Variants in MAP2K1 observed in about 807,000 individuals in gnomAD.
MAP2K1 encodes mitogen-activated protein kinase kinase 1, also known as dual specificity mitogen-activated protein kinase kinase 1.
Under a neutral mutation model 46.3 loss-of-function variants are expected in MAP2K1, and 16 were observed. That is an observed-to-expected ratio of 0.35 (90% confidence interval 0.23 to 0.52). The LOEUF is 0.52. MAP2K1 is among the 20% of genes least tolerant of loss of function. MAP2K1 has a pLI of 0.94. For missense variants in MAP2K1, 263 were observed against 497.1 expected, an observed-to-expected ratio of 0.53 and a Z score of 4.48; for synonymous variants, 183 against 185.6, an observed-to-expected ratio of 0.99 and a Z score of 0.11.
chr15:66,426,488 C>G (rs1031319953), intron 1 of MAP2K1, among the ~76,000 whole-genome samples: 1 of 152,114 alleles, frequency 6.6e-6, no homozygotes, highest in Admixed American at 6.5e-5. Context: ...GAATGAAAAC[C>G]TAGTTCTTCA....
intron 5 of MAP2K1, among the ~76,000 whole-genome samples, chr15:66,479,010 C>T (rs145382565): frequency 9.2e-5 from 14 of 152,026 alleles, no homozygotes; most frequent in African/African-American, 3.4e-4. Context: ...GTGTAAGTGT[C>T]AGAGGGCCTG....
Position 66,429,670 on chromosome 15 carries a change from C to G in MAP2K1, c.81-5357C>G, listed in dbSNP as rs1054903701. On this transcript the variant is annotated intron_variant, in intron 1 of 10. Coordinates refer to ENST00000307102, the MANE Select transcript of MAP2K1 (RefSeq NM_002755.4). ...ACTGGGTCTGCACTGCGGCGCCCCC[C>G]CCCCCCCCGTCCCCCCCAACACAGA... 1.1e-4 allele frequency among the ~76,000 whole-genome samples: 4 copies of G among 34,902 alleles called. 1 individual carries two copies. Among genetic ancestry groups the G allele is most frequent in the Non-Finnish European group, 2.7e-4 (4 of 14,660 alleles). 22.9% of individuals were successfully genotyped at this position (34,902 alleles called of 152,430 possible).
intron 4 of MAP2K1, among the ~76,000 whole-genome samples, chr15:66,444,054 A>G (rs568072861): frequency 8.5e-5 from 13 of 152,166 alleles, no homozygotes; most frequent in South Asian, 8.3e-4. Context: ...CCTGACCAAC[A>G]TGGAGAAACC....
Position 66,489,629 on chromosome 15 carries a change from G to A in MAP2K1, c.1023-89G>A. ...AAGCCCAGGCAATCCTCGGCCTCTA[G>A]TGTGCAGAGAAGACAGGCATGCAAA... On this transcript the variant is annotated intron_variant, in intron 9 of 10. Transcript: ENST00000307102. 3 of 976,366 alleles carry A rather than the reference G, an allele frequency of 3.1e-6. No individual in the cohort carries two copies. The South Asian group carries it at 3.8e-5, about 12-fold the overall frequency. 60.5% of individuals were successfully genotyped at this position (976,366 alleles called of 1,614,324 possible). A position where few individuals can be genotyped will look rare whatever the true frequency, so the allele number is the denominator to read the frequency against.
At position 66,481,782 on chromosome 15, in the gene MAP2K1, A is replaced by G. The variant is rs1262046641; in HGVS notation, c.596A>G (p.Asn199Ser). Residue 199 changes from asparagine to serine, a missense_variant, in exon 6 of 11, where the codon AAC becomes AGC. By Grantham distance (46) the Asn-to-Ser change is conservative (BLOSUM62 1). Around this residue, in one of 4 missense-constraint regions of MAP2K1, gnomAD observed 103 missense variants for 221.6 expected, o/e 0.46. Transcript: ENST00000307102. ...RDVKPSNILV[N>S]SRGEIKLCDF... ...GTCAAGCCCTCCAACATCCTAGTCAACTCCCGTGGGGAGATCAAGCTCTGT... is the reference window on the plus strand; with the variant it reads ...GTCAAGCCCTCCAACATCCTAGTCAGCTCCCGTGGGGAGATCAAGCTCTGT... The G allele has an allele frequency of 1.2e-5, 19 of 1,612,884 alleles. No individual in the cohort carries two copies. The highest frequency in any genetic ancestry group is 1.7e-5 in the Admixed American group (1 of 59,958).
chr15:66,456,135 A>G lies in MAP2K1; in HGVS notation c.568+11428A>G, dbSNP rs113458167. ...TCATTTTGTAAAATATTTATAGAAT[A>G]CCTGCCAAGTGCAAGGTATTAGGTG... On this transcript the variant is annotated intron_variant, in intron 5 of 10. Coordinates refer to ENST00000307102, the MANE Select transcript of MAP2K1 (RefSeq NM_002755.4). Among the ~76,000 whole-genome samples the G allele has an allele frequency of 3.2e-3, 484 of 152,312 alleles. 5 individuals carry two copies. Among genetic ancestry groups the G allele is most frequent in the African/African-American group, 0.011 (461 of 41,570 alleles).
chr15:66,489,393 G>T, intron 9 of MAP2K1, 117 bp downstream of exon 9: 1 of 987,622 alleles, frequency 1.0e-6, no homozygotes. Context: ...TTACCCTCCC[G>T]TCTGATGATT....
rs538987451 is a variant in MAP2K1, at chr15:66,489,232, C to A, written c.978C>A (p.Pro326=). 1.2e-6 allele frequency: 2 copies of A among 1,614,022 alleles called. No individual in the cohort carries two copies. The highest frequency in any genetic ancestry group is 1.1e-5 in the South Asian group (1 of 91,074). ...GTTTGCAGCCTCCTCCAAAACTGCCCAGTGGAGTGTTCAGTCTGGAATTTC... is the reference window on the plus strand; with the variant it reads ...GTTTGCAGCCTCCTCCAAAACTGCCAAGTGGAGTGTTCAGTCTGGAATTTC... ...YIVNEPPPKL[P]SGVFSLEFQD... The change falls in exon 9 of 11, where the codon CCC becomes CCA. Residue 326 remains proline (P), a synonymous_variant. Coordinates refer to ENST00000307102, the MANE Select transcript of MAP2K1 (RefSeq NM_002755.4).
At chr15:66,476,967 G>A (rs976335988) in intron 5 of MAP2K1, among the ~76,000 whole-genome samples, 2 of 152,202 alleles carry the variant, frequency 1.3e-5, no homozygotes, top group African/African-American at 4.8e-5. Flanking sequence ...CTAGCCTGGC[G>A]GCTCCAGCAG....
chr15:66,446,119 G>A (rs900797304), intron 5 of MAP2K1, among the ~76,000 whole-genome samples: 1 of 152,058 alleles, frequency 6.6e-6, no homozygotes, highest in African/African-American at 2.4e-5. Flanking sequence ...CAGCTAATCA[G>A]GAAGCTGAGG....
Position 66,442,286 on chromosome 15 carries a change from G to A in MAP2K1, c.439-994G>A, listed in dbSNP as rs1290616955. 2.6e-5 allele frequency among the ~76,000 whole-genome samples: 4 copies of A among 152,110 alleles called. No individual in the cohort carries two copies. The South Asian group carries it at 8.3e-4, about 32-fold the overall frequency. Reference sequence around the variant, plus strand: ...CCTTGGTGGGGTTCTGGTCACAGCCGGCCATTTCTAGCTTGCACCTCTTCA... The same window carrying A: ...CCTTGGTGGGGTTCTGGTCACAGCCAGCCATTTCTAGCTTGCACCTCTTCA... On this transcript the variant is annotated intron_variant, in intron 3 of 10. Coordinates refer to ENST00000307102, the MANE Select transcript of MAP2K1 (RefSeq NM_002755.4).
chr15:66,410,788 T>C (rs549740081), intron 1 of MAP2K1, among the ~76,000 whole-genome samples: 1 of 152,324 alleles, frequency 6.6e-6, no homozygotes, highest in African/African-American at 2.4e-5. Context: ...ACACATACAG[T>C]ACAGTGAAAC....
At chr15:66,436,545 A>G (rs2093488522) in intron 2 of MAP2K1, among the ~76,000 whole-genome samples, 1 of 152,342 alleles carries the variant, frequency 6.6e-6, no homozygotes, top group South Asian at 2.1e-4. Flanking sequence ...GCCGAGGCAC[A>G]GCTGGAACAG....
chr15:66,449,920 C>T (rs1293621023), intron 5 of MAP2K1, among the ~76,000 whole-genome samples: 2 of 150,236 alleles, frequency 1.3e-5, no homozygotes, highest in Non-Finnish European at 3.0e-5. Flanking sequence ...TCCAGCAGCA[C>T]ATCAAAAAGC....
chr15:66,477,170 G>T (rs1892772852), intron 5 of MAP2K1, among the ~76,000 whole-genome samples: 1 of 152,252 alleles, frequency 6.6e-6, no homozygotes, highest in Non-Finnish European at 1.5e-5. Context: ...GCGGGTGGGA[G>T]AAGCTGGAGC....
chr15:66,484,179 CTCT>C (rs1330693080), intron 6 of MAP2K1, among the ~76,000 whole-genome samples: 2 of 147,746 alleles, frequency 1.4e-5, no homozygotes, highest in Non-Finnish European at 3.0e-5. Flanking sequence ...GGAGTTTTCG[CTCT>C]TCTTGCCCAG....
chr15:66,407,909 A>G (rs1254404214), intron 1 of MAP2K1, among the ~76,000 whole-genome samples: 24 of 152,252 alleles, frequency 1.6e-4, no homozygotes, highest in Non-Finnish European at 2.8e-4. Flanking sequence ...GTCACACAGT[A>G]TGTTCTATTT....
At position 66,469,693 on chromosome 15, in the gene MAP2K1, G is replaced by GACAC. The variant is rs56197290; in HGVS notation, c.569-12034_569-12031dup. 4.3e-3 allele frequency among the ~76,000 whole-genome samples: 364 copies of GACAC among 84,928 alleles called. 14 individuals are homozygous for GACAC. The highest frequency in any genetic ancestry group is 0.013 in the Middle Eastern group (2 of 154). 55.7% of individuals were successfully genotyped at this position (84,928 alleles called of 152,430 possible). A position where few individuals can be genotyped will look rare whatever the true frequency, so the allele number is the denominator to read the frequency against. ...ACCCAAAACATAAAATCCTTTTAAA[G>GACAC]ACACACACACACACACACACACACA... On this transcript the variant is annotated intron_variant, in intron 5 of 10. Coordinates refer to ENST00000307102, the MANE Select transcript of MAP2K1 (RefSeq NM_002755.4).
At chr15:66,465,330 A>T (rs901821547) in intron 5 of MAP2K1, among the ~76,000 whole-genome samples, 24 of 152,144 alleles carry the variant, frequency 1.6e-4, no homozygotes, top group African/African-American at 5.8e-4. Flanking sequence ...TTAAGGGCTC[A>T]CAACTCTAAG....
Sources: gnomAD v4.1 joint callset for allele counts (sites outside exome capture counted in the v4.1 genomes callset) on GRCh38, gnomAD v4.1.1 for gene constraint, gnomAD v4.1.1 regional missense constraint, MANE v1.5 for transcripts, NCBI Gene and HGNC (gene_info 2026-07-23, HGNC 2026-07-21) for gene names.